The following NEBL variants were observed in gnomAD, a reference collection of about 807,000 sequenced individuals.
The protein encoded by NEBL is nebulette, also known as LIM and SH3 protein 2.
NEBL carries 122 observed loss-of-function variants against 140.2 expected under a neutral mutation model. The ratio of observed to expected loss-of-function variants is 0.87; its 90% CI spans 0.75 to 1.01. The LOEUF (loss-of-function observed/expected upper bound fraction) is 1.01. Ranked by LOEUF, NEBL falls within the 50% of genes least tolerant of loss-of-function variation. The pLI, the probability that NEBL is intolerant of heterozygous loss-of-function variation, is 0.00. For synonymous variants in NEBL, 436 were observed against 398.9 expected, an observed-to-expected ratio of 1.09 and a Z score of -1.11; for missense variants, 1,365 against 1,231.3, an observed-to-expected ratio of 1.11 and a Z score of -1.62.
chr10:20,877,507 G>A (rs1300862020), intron 5 of NEBL, among the ~76,000 whole-genome samples: 1 of 152,154 alleles, frequency 6.6e-6, no homozygotes, highest in African/African-American at 2.4e-5. Flanking sequence ...CTAACAAAGA[G>A]CAGCCTGTAA....
intron 3 of NEBL, among the ~76,000 whole-genome samples, chr10:20,888,587 G>A (rs755386681): frequency 6.6e-6 from 1 of 152,222 alleles, no homozygotes; most frequent in Non-Finnish European, 1.5e-5. Flanking sequence ...ACAAAGGACA[G>A]TGTTCTTTTA....
chr10:21,251,259 A>G (rs1261807952), intron 2 of NEBL, among the ~76,000 whole-genome samples: 1 of 152,164 alleles, frequency 6.6e-6, no homozygotes, highest in African/African-American at 2.4e-5. Flanking sequence ...AGAAATAAAA[A>G]ACATAGCTTG....
chr10:20,863,314 A>G (rs1457485762), intron 7 of NEBL, among the ~76,000 whole-genome samples: 1 of 152,224 alleles, frequency 6.6e-6, no homozygotes, highest in Non-Finnish European at 1.5e-5. Flanking sequence ...CAAAGGCACA[A>G]AAAAGCAGAC....
intron 26 of NEBL, among the ~76,000 whole-genome samples, chr10:20,806,242 G>C (rs193085457): frequency 6.6e-6 from 1 of 152,152 alleles, no homozygotes; most frequent in East Asian, 1.9e-4. Flanking sequence ...AGAGGGAGTA[G>C]AGGCATCCAA....
intron 2 of NEBL, chr10:21,029,203 G>A: frequency 7.0e-7 from 1 of 1,430,818 alleles, no homozygotes. Flanking sequence ...GCCTCCAATT[G>A]ACCATTCCAT....
chr10:20,957,398 CTT>C lies in NEBL; in HGVS notation c.357+4272_357+4273del, dbSNP rs1589074825. Among the ~76,000 whole-genome samples, 8 of 152,230 alleles carry C rather than the reference CTT, an allele frequency of 5.3e-5. No individual in the cohort carries two copies. The South Asian group carries it at 1.5e-3, about 28-fold the overall frequency. On this transcript the variant is annotated intron_variant, in intron 4 of 6. Coordinates refer to the NEBL transcript ENST00000417816. ...GGTATACTTTTTTAAAAGTGTCACT[CTT>C]AGCTTTTCTTGTAAAGTAGGCAAGC...
intron 3 of NEBL, among the ~76,000 whole-genome samples, chr10:20,986,217 T>C (rs567000340): frequency 1.3e-5 from 2 of 152,266 alleles, no homozygotes; most frequent in South Asian, 4.1e-4. Context: ...TATCATACCA[T>C]ATATATAATT....
At chr10:20,920,025 T>C (rs1464760216) in intron 4 of NEBL, among the ~76,000 whole-genome samples, 1 of 152,114 alleles carries the variant, frequency 6.6e-6, no homozygotes, top group Non-Finnish European at 1.5e-5. Flanking sequence ...AGAAAACAGA[T>C]ACAAATGGTC....
chr10:21,265,410 A>G (rs980680996), intron 1 of NEBL, among the ~76,000 whole-genome samples: 25 of 152,182 alleles, frequency 1.6e-4, no homozygotes, highest in Admixed American at 1.6e-3. Context: ...ACCCCATCAC[A>G]GGTTTTATCA....
At chr10:21,194,316 A>G (rs1358501634) in intron 3 of NEBL, among the ~76,000 whole-genome samples, 2 of 152,188 alleles carry the variant, frequency 1.3e-5, no homozygotes, top group African/African-American at 4.8e-5. Context: ...GTTACAATAA[A>G]TACTGTCAAG....
At chr10:20,797,950 A>T (rs1197273375) in intron 26 of NEBL, among the ~76,000 whole-genome samples, 1 of 151,954 alleles carries the variant, frequency 6.6e-6, no homozygotes, top group Non-Finnish European at 1.5e-5. Context: ...AAAACAAAAA[A>T]ATACTCACCA....
chr10:21,012,987 G>A (rs1417990405), intron 3 of NEBL, among the ~76,000 whole-genome samples: 1 of 152,080 alleles, frequency 6.6e-6, no homozygotes, highest in Admixed American at 6.5e-5. Context: ...CGAAAACCTA[G>A]CAGTGCACAA....
intron 3 of NEBL, among the ~76,000 whole-genome samples, chr10:21,206,159 T>A (rs1410042901): frequency 6.6e-6 from 1 of 152,206 alleles, no homozygotes; most frequent in Non-Finnish European, 1.5e-5. Context: ...TTGGATTATA[T>A]AAAATATTAG....
chr10:20,829,965 C>T (rs553108529), intron 16 of NEBL, among the ~76,000 whole-genome samples: 1 of 152,278 alleles, frequency 6.6e-6, no homozygotes, highest in East Asian at 1.9e-4. Context: ...GAGTAAGTAA[C>T]TCTTCTCCAC....
upstream of NEBL, among the ~76,000 whole-genome samples, chr10:20,902,168 C>A (rs567602187): frequency 1.4e-3 from 213 of 152,160 alleles, 1 homozygote; most frequent in African/African-American, 5.1e-3. Context: ...CTTTGGGAGA[C>A]CGAGACAGGC....
chr10:20,808,664 A>T lies in NEBL; in HGVS notation c.2612-5T>A. ...GCCTATAGTGACTCGCCTTTTCTAT[A>T]TTGGAGGGAAAATATTTACACGTGT... On this transcript the variant is annotated splice_polypyrimidine_tract_variant and splice_region_variant and intron_variant, in intron 25 of 27. Transcript: ENST00000377122. 6.2e-7 allele frequency: 1 copy of T among 1,611,028 alleles called. No homozygotes were observed. The highest frequency in any genetic ancestry group is 8.5e-7 in the Non-Finnish European group (1 of 1,177,396).
In NEBL at chr10:20,858,239, C is replaced by A. The variant is rs775057540; in HGVS notation, c.903+1G>T. The A allele has an allele frequency of 9.4e-6, 15 of 1,595,494 alleles. No individual in the cohort carries two copies. The African/African-American group carries it at 1.5e-4, about 16-fold the overall frequency. ...CGGTTGCCGCTAGATGAACCACTTA[C>A]GCCGCTGAGCATTTTGCTGGCTTTC... On this transcript the variant is annotated splice_donor_variant, in intron 9 of 27. Coordinates refer to ENST00000377122, the MANE Select transcript of NEBL (RefSeq NM_006393.3). LOFTEE classifies it high-confidence loss of function.
At chr10:21,081,570 A>G (rs972537285) in intron 2 of NEBL, among the ~76,000 whole-genome samples, 1 of 152,230 alleles carries the variant, frequency 6.6e-6, no homozygotes, top group Admixed American at 6.5e-5. Flanking sequence ...AGCTGTGTCC[A>G]CTGAGAAGGT....
At chr10:21,189,850 T>A (rs1371595168) in intron 3 of NEBL, among the ~76,000 whole-genome samples, 2 of 152,096 alleles carry the variant, frequency 1.3e-5, no homozygotes, top group African/African-American at 4.8e-5. Flanking sequence ...TTTGGAAAGG[T>A]TTTCTAAAGT....
Sources: gnomAD v4.1 joint callset for allele counts (sites outside exome capture counted in the v4.1 genomes callset) on GRCh38, gnomAD v4.1.1 for gene constraint, MANE v1.5 for transcripts, NCBI Gene and HGNC (gene_info 2026-07-23, HGNC 2026-07-21) for gene names.